ERICH3: variants seen among roughly 807,000 people sequenced by gnomAD.
The protein encoded by ERICH3 is glutamate rich 3.
A neutral mutation model predicts 131.1 loss-of-function variants in ERICH3; 126 were observed. That is an observed-to-expected ratio of 0.96 (90% CI 0.83 to 1.11). The LOEUF (loss-of-function observed/expected upper bound fraction) is 1.11. Among genes scored for constraint, ERICH3 ranks in the 50% most tolerant of loss-of-function variants. ERICH3 has a pLI of 0.00. For synonymous variants in ERICH3, 695 were observed against 644.6 expected (o/e 1.08, Z -1.18); for missense variants, 2,050 against 1,810.7 (o/e 1.13, Z -2.40).
chr1:74,599,253 A>T (rs1340409339), intron 11 of ERICH3, among the ~76,000 whole-genome samples: 1 of 151,978 alleles, frequency 6.6e-6, no homozygotes, highest in Non-Finnish European at 1.5e-5. Flanking sequence ...ATTCCTTTAC[A>T]TTCTAAAATA....
chr1:74,667,492 A>T (rs148027560), intron 1 of ERICH3, among the ~76,000 whole-genome samples: 55 of 152,304 alleles, frequency 3.6e-4, no homozygotes, highest in African/African-American at 1.2e-3. Flanking sequence ...GAATAACTAA[A>T]GGTTAGAAGA....
chr1:74,579,487 G>A, intron 12 of ERICH3: 2 of 985,350 alleles, frequency 2.0e-6, no homozygotes, highest in Non-Finnish European at 2.4e-6. Flanking sequence ...TGCCCCTGGA[G>A]GATTAGCCTT....
intron 3 of ERICH3, among the ~76,000 whole-genome samples, chr1:74,644,480 C>CA (rs1400968001): frequency 6.6e-6 from 1 of 152,020 alleles, no homozygotes; most frequent in Non-Finnish European, 1.5e-5. Flanking sequence ...TTCCAGCTTC[C>CA]AGGACACCAT....
intron 1 of ERICH3, among the ~76,000 whole-genome samples, chr1:74,664,435 A>G (rs1646670518): frequency 1.3e-5 from 2 of 152,156 alleles, no homozygotes; most frequent in Admixed American, 1.3e-4. Flanking sequence ...TATGGCAAAT[A>G]TCTTGGAGCA....
intron 13 of ERICH3, among the ~76,000 whole-genome samples, chr1:74,575,814 C>T (rs1049955642): frequency 1.3e-5 from 2 of 152,180 alleles, no homozygotes; most frequent in Non-Finnish European, 2.9e-5. Context: ...TGGCATCCAG[C>T]TGAGATGTTA....
intron 5 of ERICH3, among the ~76,000 whole-genome samples, chr1:74,640,895 A>C (rs1646432011): frequency 6.6e-6 from 1 of 152,156 alleles, no homozygotes; most frequent in African/African-American, 2.4e-5. Flanking sequence ...TCCAGAGGTC[A>C]GAAAATATAG....
At chr1:74,644,811 A>C (rs1646467454) in intron 3 of ERICH3, among the ~76,000 whole-genome samples, 1 of 151,978 alleles carries the variant, frequency 6.6e-6, no homozygotes, top group Non-Finnish European at 1.5e-5. Flanking sequence ...CATCTTTCTA[A>C]AACAGCTCTG....
In ERICH3 at chr1:74,606,851, C is replaced by A; in HGVS notation, c.1239G>T (p.Arg413Ser). 6.2e-7 allele frequency: 1 copy of A among 1,612,378 alleles called. No homozygotes were observed. The highest frequency in any genetic ancestry group is 8.5e-7 in the Non-Finnish European group (1 of 1,179,206). ...LDKKPSLPKS[R>S]KEKSTEKGEE... ...CTCCTTTCTCAGTGCTCTTTTCTTT[C>A]CTAGATTTCGGCAAAGACGGTTTTT... is the stretch of plus-strand genomic sequence containing the variant. Residue 413 changes from arginine to serine, a missense_variant, in exon 10 of 15, where the codon AGG (arginine) becomes AGT (serine). Transcript: ENST00000326665.
At chr1:74,620,005 C>G (rs1322732806) in intron 8 of ERICH3, among the ~76,000 whole-genome samples, 1 of 152,148 alleles carries the variant, frequency 6.6e-6, no homozygotes. Flanking sequence ...CCCCGTAACT[C>G]CTACCAAGAT....
At chr1:74,630,048 T>C (rs1649540464) in intron 7 of ERICH3, among the ~76,000 whole-genome samples, 1 of 152,168 alleles carries the variant, frequency 6.6e-6, no homozygotes, top group Non-Finnish European at 1.5e-5. Flanking sequence ...AGACTTTATA[T>C]ATTCTTATGG....
In ERICH3 at chr1:74,572,865, C is replaced by CT; in HGVS notation, c.2844dup (p.Ala949SerfsTer23). On this transcript the variant is annotated frameshift_variant, in exon 14 of 15. Transcript: ENST00000326665. LOFTEE classifies it high-confidence loss of function. ...CCTGTGTCCTCTAGGTCTATGGATG[C>CT]TTCCTCTTCACTTTCTCCGACATCA... 6.2e-7 allele frequency: 1 copy of CT among 1,613,940 alleles called. No homozygotes were observed. The highest frequency in any genetic ancestry group is 8.5e-7 in the Non-Finnish European group (1 of 1,179,998).
chr1:74,628,993 A>G (rs1329515985), intron 7 of ERICH3, among the ~76,000 whole-genome samples: 1 of 152,176 alleles, frequency 6.6e-6, no homozygotes, highest in African/African-American at 2.4e-5. Flanking sequence ...CATAATTAAC[A>G]TTTATCTATT....
intron 5 of ERICH3, among the ~76,000 whole-genome samples, chr1:74,638,870 A>G (rs1413420565): frequency 6.6e-6 from 1 of 152,150 alleles, no homozygotes; most frequent in Non-Finnish European, 1.5e-5. Context: ...CAGCAACACA[A>G]AGGGAGTCTG....
rs368097343 is a variant in ERICH3 at position 74,631,705 on chromosome 1, A to G, written c.819+8T>C. The G allele has an allele frequency of 3.6e-5, 58 of 1,601,474 alleles. No homozygotes were observed. The highest frequency in any genetic ancestry group is 3.3e-4 in the Middle Eastern group (2 of 6,060). On this transcript the variant is annotated splice_region_variant and intron_variant, in intron 7 of 14. Coordinates refer to ENST00000326665, the MANE Select transcript of ERICH3 (RefSeq NM_001002912.5). ...AATTAATAAAAGAAAAATTTGTTCC[A>G]TAATCACCTTTGTCAAAAGAGGTTC...
At chr1:74,605,907 A>G (rs1225523841) in intron 10 of ERICH3, among the ~76,000 whole-genome samples, 2 of 151,814 alleles carry the variant, frequency 1.3e-5, no homozygotes, top group Non-Finnish European at 2.9e-5. Flanking sequence ...AATTTATAAA[A>G]AGTGCTATAT....
At chr1:74,655,326 C>A (rs1226968267) in intron 1 of ERICH3, among the ~76,000 whole-genome samples, 1 of 152,132 alleles carries the variant, frequency 6.6e-6, no homozygotes, top group Admixed American at 6.6e-5. Context: ...CAAATCTATT[C>A]TCTTACAGCT....
In ERICH3 at chr1:74,573,273, TC is replaced by T. The variant is rs1404431440; in HGVS notation, c.2436del (p.Trp812Ter). ...GAVHEAPLRA[W>X]KPTAEQPELA... ...AATTCTGGCTGCTCTGCTGTTGGCT[TC>T]CACGCCCTCAAGGGAGCCTCATGAA... On this transcript the variant is annotated frameshift_variant, in exon 14 of 15. Coordinates refer to ENST00000326665, the MANE Select transcript of ERICH3 (RefSeq NM_001002912.5). LOFTEE classifies it high-confidence loss of function. 1 of 1,599,358 alleles carries T rather than the reference TC, an allele frequency of 6.3e-7. No homozygotes were observed. Among genetic ancestry groups the T allele is most frequent in the East Asian group, 2.2e-5 (1 of 44,858 alleles).
intron 1 of ERICH3, among the ~76,000 whole-genome samples, chr1:74,666,907 A>G (rs377607780): frequency 7.2e-5 from 11 of 152,316 alleles, no homozygotes; most frequent in African/African-American, 2.6e-4. Context: ...TAAGCCAAAG[A>G]AATAAACAAA....
intron 1 of ERICH3, among the ~76,000 whole-genome samples, chr1:74,654,164 C>T (rs781533445): frequency 2.0e-5 from 3 of 152,036 alleles, no homozygotes; most frequent in Non-Finnish European, 4.4e-5. Flanking sequence ...GGTTTTCTCT[C>T]GTTTCTGAGT....
Sources: allele counts gnomAD v4.1 joint callset (sites outside exome capture counted in the v4.1 genomes callset), GRCh38; gene constraint gnomAD v4.1.1; transcripts MANE v1.5; gene names NCBI Gene and HGNC (gene_info 2026-07-23, HGNC 2026-07-21).